The following PLAC1 variants were observed in gnomAD, a reference collection of about 807,000 sequenced individuals.
PLAC1 encodes the protein placenta-specific protein 1.
For missense variants in PLAC1, 136 were observed against 163.2 expected (o/e 0.83, Z 0.91); for synonymous variants, 68 against 62.1 (o/e 1.09, Z -0.44).
chrX:134,571,930 T>C (rs899100891), intron 2 of PLAC1, among the ~76,000 whole-genome samples: 5 of 112,073 alleles, frequency 4.5e-5, no homozygotes, highest in African/African-American at 1.6e-4. Context: ...CAGTTATTTA[T>C]TTTTAAAATT....
intron 2 of PLAC1, among the ~76,000 whole-genome samples, chrX:134,677,501 G>T (rs113677233): frequency 0.011 from 1,214 of 111,798 alleles, 17 homozygotes; most frequent in African/African-American, 0.038. Flanking sequence ...GCCTCCTGGA[G>T]GAGGTGACAG....
chrX:134,763,770 G>A (rs1486970671), intron 1 of PLAC1, among the ~76,000 whole-genome samples: 1 of 105,873 alleles, frequency 9.4e-6, no homozygotes, highest in Non-Finnish European at 1.9e-5. Context: ...GCATTGAGCC[G>A]AGACGGCGCC....
chrX:134,615,237 C>T lies in PLAC1; in HGVS notation c.-130-13115G>A, dbSNP rs751783958. Among the ~76,000 whole-genome samples, 10 of 112,193 alleles carry T rather than the reference C, an allele frequency of 8.9e-5. No individual in the cohort carries two copies. In the South Asian group the frequency reaches 3.7e-3, roughly 42 times the overall value. ...CTTTTTCTCCACATCTTTGCCAACA[C>T]TTGTTATCTTTTGACTTGTTGACAA... On this transcript the variant is annotated intron_variant, in intron 1 of 2. Transcript: ENST00000359237.
At chrX:134,726,547 G>A (rs1178724413) in intron 2 of PLAC1, among the ~76,000 whole-genome samples, 2 of 111,700 alleles carry the variant, frequency 1.8e-5, no homozygotes, top group East Asian at 2.8e-4. Flanking sequence ...CTTCCTGGCC[G>A]GGCGCTGTGG....
At chrX:134,588,050 G>A (rs998850503) in intron 2 of PLAC1, among the ~76,000 whole-genome samples, 5 of 111,596 alleles carry the variant, frequency 4.5e-5, no homozygotes, top group African/African-American at 1.6e-4. Flanking sequence ...CAATTTATAA[G>A]GTTCTGGTAC....
chrX:134,629,032 T>C (rs1401326166), intron 1 of PLAC1, among the ~76,000 whole-genome samples: 2 of 112,477 alleles, frequency 1.8e-5, no homozygotes, highest in African/African-American at 3.2e-5. Context: ...TGAAAATTCC[T>C]CTAATGTCCA....
chrX:134,685,271 G>A (rs760218329), intron 2 of PLAC1, among the ~76,000 whole-genome samples: 1 of 111,314 alleles, frequency 9.0e-6, no homozygotes, highest in Non-Finnish European at 1.9e-5. Context: ...TGAAACAAGA[G>A]CTGAGCCTAG....
In PLAC1 at chrX:134,720,939, T is replaced by C. The variant is rs1039966136; in HGVS notation, n.174+12496A>G. ...TCTCGAAGTGTTAGGATTACAGGCA[T>C]AGGCCACTGTGCCTTCCTAGCATGA... On this transcript the variant is annotated intron_variant and non_coding_transcript_variant, in intron 2 of 2. Coordinates refer to the PLAC1 transcript ENST00000466797. Among the ~76,000 whole-genome samples, 8 of 112,849 alleles carry C rather than the reference T, an allele frequency of 7.1e-5. 1 individual carries two copies. The South Asian group carries it at 1.8e-3, about 26-fold the overall frequency.
intron 1 of PLAC1, among the ~76,000 whole-genome samples, chrX:134,632,743 C>G (rs1169423092): frequency 8.9e-6 from 1 of 111,755 alleles, no homozygotes; most frequent in African/African-American, 3.3e-5. Context: ...GGAAGAAGTA[C>G]AAGGAAGCAG....
intron 2 of PLAC1, among the ~76,000 whole-genome samples, chrX:134,703,525 A>G (rs1481391303): frequency 9.0e-6 from 1 of 111,406 alleles, no homozygotes; most frequent in African/African-American, 3.3e-5. Flanking sequence ...ATAAGCCTTC[A>G]CTAAAAAAAT....
intron 1 of PLAC1, among the ~76,000 whole-genome samples, chrX:134,647,308 C>T (rs979540051): frequency 1.8e-5 from 2 of 111,595 alleles, no homozygotes; most frequent in African/African-American, 6.5e-5. Flanking sequence ...CATCTTATTC[C>T]ACTGCTCTGC....
chrX:134,581,029 T>C (rs1270526876), intron 2 of PLAC1, among the ~76,000 whole-genome samples: 2 of 112,076 alleles, frequency 1.8e-5, no homozygotes, highest in African/African-American at 3.2e-5. Context: ...GCATTTGTTA[T>C]GGAAGTGGAG....
chrX:134,668,902 A>G (rs1366012662), intron 2 of PLAC1, among the ~76,000 whole-genome samples: 1 of 112,575 alleles, frequency 8.9e-6, no homozygotes, highest in African/African-American at 3.2e-5. Context: ...ACCAAAACCA[A>G]ATGAGAAGTA....
At chrX:134,651,796 C>A (rs1335136881) in intron 1 of PLAC1, among the ~76,000 whole-genome samples, 1 of 108,419 alleles carries the variant, frequency 9.2e-6, no homozygotes, top group Non-Finnish European at 1.9e-5. Flanking sequence ...TGGCCCCAGT[C>A]ACCCACCAGG....
chrX:134,591,146 A>T (rs762701425), intron 2 of PLAC1, among the ~76,000 whole-genome samples: 5 of 112,111 alleles, frequency 4.5e-5, no homozygotes, highest in Non-Finnish European at 7.5e-5. Context: ...CAGCTCAGGT[A>T]GGTCTCTATC....
At chrX:134,638,479 T>C (rs1486294267) in intron 1 of PLAC1, among the ~76,000 whole-genome samples, 2 of 112,625 alleles carry the variant, frequency 1.8e-5, no homozygotes, top group African/African-American at 3.2e-5. Context: ...CATACGATGA[T>C]TCAAATAGAA....
chrX:134,657,419 G>A (rs2078397476), intron 1 of PLAC1, among the ~76,000 whole-genome samples: 1 of 112,027 alleles, frequency 8.9e-6, no homozygotes, highest in African/African-American at 3.2e-5. Context: ...AGATCAGAGA[G>A]GATAAGCAAC....
chrX:134,672,458 G>A (rs955271655), intron 2 of PLAC1, among the ~76,000 whole-genome samples: 7 of 111,788 alleles, frequency 6.3e-5, no homozygotes, highest in Middle Eastern at 4.7e-3. Context: ...CTATTTTGAC[G>A]TTAAGTAGTG....
chrX:134,567,817 AGG>A (rs2077885652), intron 2 of PLAC1, among the ~76,000 whole-genome samples: 9 of 48,857 alleles, frequency 1.8e-4, no homozygotes, highest in East Asian at 6.2e-4. Flanking sequence ...AGAGAGAGGG[AGG>A]GAGGGAGGGA....
Sources: gnomAD v4.1 joint callset for allele counts (sites outside exome capture counted in the v4.1 genomes callset) on GRCh38, gnomAD v4.1.1 for gene constraint, MANE v1.5 for transcripts, NCBI Gene and HGNC (gene_info 2026-07-23, HGNC 2026-07-21) for gene names.